DOCK10: variants seen among roughly 807,000 people sequenced by gnomAD.
DOCK10 encodes the protein dedicator of cytokinesis protein 10.
DOCK10 carries 145 observed loss-of-function variants against 280.1 expected under a neutral mutation model. The ratio of observed to expected loss-of-function variants is 0.52; its 90% CI spans 0.45 to 0.59. The LOEUF (loss-of-function observed/expected upper bound fraction) is 0.59. Ranked by LOEUF, DOCK10 falls within the 20% of genes least tolerant of loss-of-function variation. The pLI is 0.00. For synonymous variants in DOCK10, 915 were observed against 942.2 expected (o/e 0.97, Z 0.53); for missense variants, 2,368 against 2,651.7 (o/e 0.89, Z 2.35).
intron 17 of DOCK10, 94 bp from the exon 18 acceptor site, chr2:224,852,536 C>CA: frequency 1.1e-6 from 1 of 937,230 alleles, no homozygotes; most frequent in Non-Finnish European, 1.6e-6. Flanking sequence ...CTAATTAATC[C>CA]AAAAAATGTA....
chr2:224,929,417 C>A (rs1274029320), intron 2 of DOCK10, among the ~76,000 whole-genome samples: 1 of 152,082 alleles, frequency 6.6e-6, no homozygotes, highest in Non-Finnish European at 1.5e-5. Context: ...ATGTTTGGAA[C>A]TGTGCTGATC....
intron 41 of DOCK10, among the ~76,000 whole-genome samples, chr2:224,798,617 A>G (rs1216757961): frequency 1.3e-5 from 2 of 149,400 alleles, no homozygotes; most frequent in African/African-American, 4.9e-5. Context: ...AAAGAATCCA[A>G]GTTTTCCTGG....
intron 31 of DOCK10, among the ~76,000 whole-genome samples, chr2:224,811,385 G>A (rs181289522): frequency 0.023 from 3,543 of 152,098 alleles, 120 homozygotes; most frequent in African/African-American, 0.078. Flanking sequence ...CTGGATATTA[G>A]CCCTTTGTCA....
chr2:224,913,518 G>T (rs1389379441), intron 3 of DOCK10, among the ~76,000 whole-genome samples: 4 of 152,076 alleles, frequency 2.6e-5, no homozygotes, highest in Non-Finnish European at 4.4e-5. Flanking sequence ...GAGTGTGTGT[G>T]TTCAGCAAAA....
chr2:224,849,464 C>A, intron 19 of DOCK10, 43 bp downstream of exon 19: 4 of 1,433,436 alleles, frequency 2.8e-6, no homozygotes, highest in Non-Finnish European at 2.9e-6. Flanking sequence ...ATTTACCCAC[C>A]TTTCTTAGGA....
chr2:224,894,754 A>G (rs1699886879), intron 4 of DOCK10, among the ~76,000 whole-genome samples: 1 of 152,188 alleles, frequency 6.6e-6, no homozygotes, highest in Admixed American at 6.5e-5. Flanking sequence ...TAGAAGGGAC[A>G]TACTTTTTTT....
chr2:225,035,587 T>TATATATATATAA (rs1553634969), intron 1 of DOCK10, among the ~76,000 whole-genome samples: 1 of 111,268 alleles, frequency 9.0e-6, no homozygotes, highest in African/African-American at 4.6e-5. Flanking sequence ...TATATATATA[T>TATATATATATAA]AACACTGAAT....
At chr2:224,975,438 T>C (rs1175850075) in intron 1 of DOCK10, among the ~76,000 whole-genome samples, 1 of 152,226 alleles carries the variant, frequency 6.6e-6, no homozygotes, top group Non-Finnish European at 1.5e-5. Context: ...ATTCATATAT[T>C]CAAGATTCAA....
At chr2:224,914,655 G>A (rs1485270145) in intron 3 of DOCK10, among the ~76,000 whole-genome samples, 2 of 151,988 alleles carry the variant, frequency 1.3e-5, no homozygotes, top group Admixed American at 6.5e-5. Context: ...CGCCAGAAAC[G>A]AACATAAAAC....
chr2:224,778,312 T>TATTAGACA, intron 50 of DOCK10, 28 bp from the exon 51 acceptor site: 4 of 1,576,176 alleles, frequency 2.5e-6, no homozygotes, highest in Non-Finnish European at 3.5e-6. Context: ...CCACCAATTT[T>TATTAGACA]ATTAGACAAT....
intron 7 of DOCK10, among the ~76,000 whole-genome samples, chr2:224,885,434 T>C (rs879175929): frequency 6.6e-6 from 1 of 152,248 alleles, no homozygotes; most frequent in Non-Finnish European, 1.5e-5. Flanking sequence ...ATTTTCTTTA[T>C]TGAAAAATTT....
intron 11 of DOCK10, among the ~76,000 whole-genome samples, chr2:224,872,794 GA>G (rs1275842954): frequency 1.3e-5 from 2 of 152,120 alleles, no homozygotes; most frequent in Non-Finnish European, 2.9e-5. Context: ...TCTTTGAGGT[GA>G]AAGATGACAA....
At chr2:224,883,316 G>A (rs1043962763) in intron 7 of DOCK10, among the ~76,000 whole-genome samples, 8 of 152,216 alleles carry the variant, frequency 5.3e-5, no homozygotes, top group African/African-American at 1.7e-4. Flanking sequence ...CCTGGGTGTA[G>A]TTTCTAGCAT....
At chr2:224,926,926 A>C (rs1000115488) in intron 2 of DOCK10, among the ~76,000 whole-genome samples, 4 of 152,356 alleles carry the variant, frequency 2.6e-5, no homozygotes, top group African/African-American at 9.6e-5. Context: ...AGACAGAAGA[A>C]GTCTCTGTCC....
At chr2:224,893,291 A>T (rs1202607962) in intron 4 of DOCK10, 2 of 159,782 alleles carry the variant, frequency 1.3e-5, no homozygotes, top group African/African-American at 4.8e-5. Flanking sequence ...ATTCTGGCTC[A>T]CTGTAGACAC....
At chr2:224,895,822 TGTGTGTGTGC>T (rs1699946909) in intron 4 of DOCK10, among the ~76,000 whole-genome samples, 2 of 103,462 alleles carry the variant, frequency 1.9e-5, no homozygotes, top group African/African-American at 9.5e-5. Context: ...GTTGTGTGTG[TGTGTGTGTGC>T]GTGTGTGTGT....
chr2:224,922,765 C>A (rs142126265), intron 2 of DOCK10, among the ~76,000 whole-genome samples: 1 of 152,188 alleles, frequency 6.6e-6, no homozygotes, highest in Non-Finnish European at 1.5e-5. Flanking sequence ...TAAAAAAGGG[C>A]TGCTTATCCT....
chr2:224,848,517 G>T (rs999725888), intron 19 of DOCK10, among the ~76,000 whole-genome samples: 4 of 152,180 alleles, frequency 2.6e-5, no homozygotes, highest in African/African-American at 4.8e-5. Flanking sequence ...GGTCTGGTTT[G>T]ATTTCTCTCA....
chr2:225,029,666 A>T (rs894876259), intron 1 of DOCK10, among the ~76,000 whole-genome samples: 5 of 152,200 alleles, frequency 3.3e-5, no homozygotes, highest in African/African-American at 1.2e-4. Context: ...TTAAAAATGT[A>T]AATATTCAAC....
Sources: gnomAD v4.1 joint callset for allele counts (sites outside exome capture counted in the v4.1 genomes callset) on GRCh38, gnomAD v4.1.1 for gene constraint, MANE v1.5 for transcripts, NCBI Gene and HGNC (gene_info 2026-07-23, HGNC 2026-07-21) for gene names.